The following ANO2 variants were observed in gnomAD, a reference collection of about 807,000 sequenced individuals.
The protein encoded by ANO2 is anoctamin 2, also known as anoctamin-2.
A neutral mutation model predicts 124.2 loss-of-function variants in ANO2; 101 were observed. That is an observed-to-expected ratio of 0.81 (90% CI 0.69 to 0.96). The LOEUF is 0.96. Among genes scored for constraint, ANO2 ranks in the 40% least tolerant of loss-of-function variants. ANO2 has a pLI of 0.00. For synonymous variants in ANO2, 486 were observed against 482.5 expected (o/e 1.01, Z -0.09); for missense variants, 1,293 against 1,274.5 (o/e 1.01, Z -0.22).
At chr12:5,924,281 T>C (rs1941973257) in intron 1 of ANO2, among the ~76,000 whole-genome samples, 1 of 152,208 alleles carries the variant, frequency 6.6e-6, no homozygotes, top group South Asian at 2.1e-4. Context: ...TTGAGAAACA[T>C]AATCTCTTTA....
At chr12:5,565,768 G>A (rs1941713255) in intron 23 of ANO2, 105 bp from the exon 24 acceptor site, 1 of 879,468 alleles carries the variant, frequency 1.1e-6, no homozygotes, top group Non-Finnish European at 1.7e-6. Flanking sequence ...AGGCACGCAT[G>A]CCCTTGGCAT....
intron 10 of ANO2, among the ~76,000 whole-genome samples, chr12:5,788,971 C>T (rs1952621099): frequency 6.6e-6 from 1 of 152,218 alleles, no homozygotes; most frequent in African/African-American, 2.4e-5. Flanking sequence ...GCATCATCCC[C>T]ATAGAGATGA....
chr12:5,805,817 A>G (rs1039141065), intron 9 of ANO2, among the ~76,000 whole-genome samples: 2 of 152,086 alleles, frequency 1.3e-5, no homozygotes, highest in African/African-American at 2.4e-5. Flanking sequence ...CTGTGTGTGG[A>G]GGGCCATTGG....
chr12:5,646,724 G>T (rs1011476360), intron 15 of ANO2, among the ~76,000 whole-genome samples: 2 of 152,164 alleles, frequency 1.3e-5, no homozygotes, highest in East Asian at 3.8e-4. Context: ...GCAATGAGAA[G>T]AAAACAAATT....
intron 10 of ANO2, among the ~76,000 whole-genome samples, chr12:5,786,982 A>C (rs1341071811): frequency 6.6e-6 from 1 of 152,182 alleles, no homozygotes; most frequent in Non-Finnish European, 1.5e-5. Flanking sequence ...CCACTAACAC[A>C]GCCACCATAG....
chr12:5,822,577 A>T (rs1953837939), intron 7 of ANO2, among the ~76,000 whole-genome samples: 1 of 152,246 alleles, frequency 6.6e-6, no homozygotes, highest in Non-Finnish European at 1.5e-5. Flanking sequence ...ATTTGCCAGC[A>T]GCAGAGACCA....
intron 14 of ANO2, among the ~76,000 whole-genome samples, chr12:5,689,887 T>C (rs1424729912): frequency 1.3e-5 from 2 of 152,264 alleles, no homozygotes; most frequent in South Asian, 4.2e-4. Flanking sequence ...TGGGAAAGGA[T>C]GTTTCCCAAA....
At chr12:5,885,684 T>C (rs1468933261) in intron 3 of ANO2, among the ~76,000 whole-genome samples, 1 of 152,214 alleles carries the variant, frequency 6.6e-6, no homozygotes, top group Non-Finnish European at 1.5e-5. Flanking sequence ...CGTTACTAGC[T>C]AGCCCCGAGT....
chr12:5,775,922 T>G (rs1952221087), intron 10 of ANO2, among the ~76,000 whole-genome samples: 1 of 152,146 alleles, frequency 6.6e-6, no homozygotes, highest in Non-Finnish European at 1.5e-5. Context: ...GGTTAAACAC[T>G]GACACAAAAG....
chr12:5,688,810 C>CTTTTT (rs36091783), intron 14 of ANO2, among the ~76,000 whole-genome samples: 6 of 119,380 alleles, frequency 5.0e-5, no homozygotes, highest in Non-Finnish European at 1.0e-4. Context: ...TGGGAGTATC[C>CTTTTT]TTTTTTTTTT....
At chr12:5,831,210 A>G (rs1435544433) in intron 5 of ANO2, among the ~76,000 whole-genome samples, 1 of 152,206 alleles carries the variant, frequency 6.6e-6, no homozygotes. Context: ...TGGAAGGTAC[A>G]TTTCTCCAAG....
chr12:5,740,634 G>A (rs1175142383), intron 12 of ANO2, among the ~76,000 whole-genome samples: 1 of 152,180 alleles, frequency 6.6e-6, no homozygotes, highest in African/African-American at 2.4e-5. Context: ...GGCCTGCGAA[G>A]AGAAGTGCTA....
At chr12:5,567,649 C>T (rs999826811) in intron 23 of ANO2, among the ~76,000 whole-genome samples, 1 of 152,220 alleles carries the variant, frequency 6.6e-6, no homozygotes, top group Non-Finnish European at 1.5e-5. Flanking sequence ...AGCCACTGCT[C>T]ACCCCTCTTT....
At chr12:5,717,597 A>G (rs1401468156) in intron 14 of ANO2, among the ~76,000 whole-genome samples, 2 of 152,152 alleles carry the variant, frequency 1.3e-5, no homozygotes, top group Non-Finnish European at 2.9e-5. Flanking sequence ...GAAAGCACCC[A>G]ATCCTCTTGC....
At chr12:5,777,838 G>A (rs921997811) in intron 10 of ANO2, among the ~76,000 whole-genome samples, 3 of 152,160 alleles carry the variant, frequency 2.0e-5, no homozygotes, top group Non-Finnish European at 4.4e-5. Flanking sequence ...GCAAGGAGGT[G>A]GGAGCAGACA....
chr12:5,935,236 C>T (rs551869124), intron 1 of ANO2, among the ~76,000 whole-genome samples: 1 of 152,232 alleles, frequency 6.6e-6, no homozygotes, highest in Admixed American at 6.5e-5. Context: ...CCTCTGTATC[C>T]TAAGCCCTGA....
At chr12:5,818,446 A>ATTAT (rs1565693929) in intron 7 of ANO2, among the ~76,000 whole-genome samples, 4 of 79,362 alleles carry the variant, frequency 5.0e-5, no homozygotes, top group African/African-American at 1.9e-4. Context: ...ATAAACTCAT[A>ATTAT]TTATATATAT....
At chr12:5,851,972 C>T (rs1355855575) in intron 4 of ANO2, 2 of 737,266 alleles carry the variant, frequency 2.7e-6, no homozygotes, top group Non-Finnish European at 5.0e-6. Flanking sequence ...TTCCAAGGAT[C>T]AGCAGCAGAG....
intron 3 of ANO2, among the ~76,000 whole-genome samples, chr12:5,894,929 C>T (rs1939669134): frequency 6.6e-6 from 1 of 152,128 alleles, no homozygotes; most frequent in African/African-American, 2.4e-5. Context: ...TAGTGTGATG[C>T]CTCTAGCTTT....
Sources: gnomAD v4.1 joint callset for allele counts (sites outside exome capture counted in the v4.1 genomes callset) on GRCh38, gnomAD v4.1.1 for gene constraint, MANE v1.5 for transcripts, NCBI Gene and HGNC (gene_info 2026-07-23, HGNC 2026-07-21) for gene names.